Variants in CCSER1 observed in about 807,000 individuals in gnomAD.
The protein encoded by CCSER1 is serine-rich coiled-coil domain-containing protein 1.
A neutral mutation model predicts 82.0 loss-of-function variants in CCSER1; 41 were observed. That is an observed-to-expected ratio of 0.50 (90% CI 0.39 to 0.65). The LOEUF (loss-of-function observed/expected upper bound fraction) is 0.65. Ranked by LOEUF, CCSER1 falls within the 30% of genes least tolerant of loss-of-function variation. CCSER1 has a pLI of 0.00. For synonymous variants in CCSER1, 414 were observed against 383.9 expected, an observed-to-expected ratio of 1.08 and a Z score of -0.92; for missense variants, 1,119 against 1,064.2, an observed-to-expected ratio of 1.05 and a Z score of -0.72.
At chr4:90,256,594 G>A (rs1419669029) in intron 1 of CCSER1, among the ~76,000 whole-genome samples, 1 of 152,062 alleles carries the variant, frequency 6.6e-6, no homozygotes, top group Admixed American at 6.6e-5. Context: ...TTCTCTAGAG[G>A]TAGTTATATT....
At chr4:90,606,335 C>G (rs1387714270) in intron 5 of CCSER1, among the ~76,000 whole-genome samples, 2 of 152,112 alleles carry the variant, frequency 1.3e-5, no homozygotes, top group Non-Finnish European at 1.5e-5. Context: ...TACTACACAC[C>G]TACATTATAA....
At chr4:90,303,387 C>G (rs1010122776) in intron 1 of CCSER1, among the ~76,000 whole-genome samples, 9 of 152,124 alleles carry the variant, frequency 5.9e-5, no homozygotes, top group African/African-American at 1.9e-4. Context: ...ATCACACTAC[C>G]TGACTTCAAA....
At chr4:90,573,488 C>T (rs1206614996) in intron 5 of CCSER1, among the ~76,000 whole-genome samples, 2 of 152,222 alleles carry the variant, frequency 1.3e-5, no homozygotes, top group Non-Finnish European at 2.9e-5. Flanking sequence ...CTCTATGCTG[C>T]ACTGTCTTGT....
chr4:90,554,549 TCAGGTTTTGTG>T (rs1395177469), intron 5 of CCSER1, among the ~76,000 whole-genome samples: 2 of 152,192 alleles, frequency 1.3e-5, no homozygotes, highest in Non-Finnish European at 2.9e-5. Flanking sequence ...ACATTGTTCC[TCAGGTTTTGTG>T]CATGAAGGAC....
intron 10 of CCSER1, among the ~76,000 whole-genome samples, chr4:91,497,257 T>TA (rs1294332770): frequency 1.3e-5 from 2 of 151,534 alleles, no homozygotes; most frequent in East Asian, 3.9e-4. Context: ...TTAAATGATG[T>TA]AAAAAAAGCG....
intron 10 of CCSER1, among the ~76,000 whole-genome samples, chr4:91,527,117 A>G (rs1421843964): frequency 4.6e-5 from 7 of 152,240 alleles, no homozygotes; most frequent in Non-Finnish European, 8.8e-5. Context: ...AATCTTTATG[A>G]GTAGAACATT....
chr4:90,617,735 A>G (rs1241154558), intron 5 of CCSER1, among the ~76,000 whole-genome samples: 2 of 152,166 alleles, frequency 1.3e-5, no homozygotes, highest in Admixed American at 6.5e-5. Flanking sequence ...AAAGTAATTC[A>G]GCTACTTTAA....
intron 9 of CCSER1, among the ~76,000 whole-genome samples, chr4:90,934,220 A>G (rs1371371479): frequency 2.0e-5 from 3 of 152,138 alleles, no homozygotes; most frequent in Non-Finnish European, 4.4e-5. Context: ...AAACATCTAA[A>G]ACTTCAATCA....
chr4:91,456,182 T>G (rs1756161557), intron 10 of CCSER1, among the ~76,000 whole-genome samples: 2 of 152,052 alleles, frequency 1.3e-5, no homozygotes, highest in African/African-American at 2.4e-5. Flanking sequence ...TGACCTCATC[T>G]TGTGTCCTTG....
intron 9 of CCSER1, among the ~76,000 whole-genome samples, chr4:90,955,631 C>T (rs903242007): frequency 6.6e-6 from 1 of 152,108 alleles, no homozygotes; most frequent in Non-Finnish European, 1.5e-5. Context: ...AAATCTAAAA[C>T]CCTTACTCTG....
In CCSER1 at chr4:90,495,146, T is replaced by C. The variant is rs139666820; in HGVS notation, c.1724+26792T>C. Among the ~76,000 whole-genome samples the C allele has an allele frequency of 2.0e-4, 31 of 152,318 alleles. No homozygotes were observed. In the East Asian group the frequency reaches 3.3e-3, roughly 16 times the overall value. On this transcript the variant is annotated intron_variant, in intron 5 of 10. Coordinates refer to ENST00000509176, the MANE Select transcript of CCSER1 (RefSeq NM_001145065.2). ...TATTTTTTCCCTGTAACAGTTTGTATGAACACTAATGTGGTGTTCAACCCT... is the reference window on the plus strand; with the variant it reads ...TATTTTTTCCCTGTAACAGTTTGTACGAACACTAATGTGGTGTTCAACCCT...
intron 10 of CCSER1, among the ~76,000 whole-genome samples, chr4:91,548,985 C>T (rs1349187726): frequency 1.3e-5 from 2 of 152,046 alleles, no homozygotes; most frequent in Non-Finnish European, 2.9e-5. Context: ...CTGATATTCC[C>T]ATTATGCATG....
chr4:90,195,225 T>A (rs1025669583), intron 1 of CCSER1, among the ~76,000 whole-genome samples: 5 of 152,064 alleles, frequency 3.3e-5, no homozygotes, highest in African/African-American at 1.2e-4. Context: ...GGTGAATGGT[T>A]AAATTAAGTG....
rs569915647 is a variant in CCSER1, at chr4:91,172,014, A to T, written c.2217+86020A>T. The stretch of plus-strand genomic sequence containing the variant: ...CTTTATATTCAATAAAAAAAATCCT[A>T]TTATTCAATAACATTATACATTGCA... On this transcript the variant is annotated intron_variant, in intron 10 of 10. Transcript: ENST00000509176. 7.9e-5 allele frequency among the ~76,000 whole-genome samples: 12 copies of T among 152,228 alleles called. 1 individual carries two copies. In the South Asian group the frequency reaches 2.3e-3, roughly 29 times the overall value.
intron 1 of CCSER1, among the ~76,000 whole-genome samples, chr4:90,302,402 G>A (rs1332258107): frequency 6.6e-6 from 1 of 152,158 alleles, no homozygotes. Context: ...CTTGGAAGAG[G>A]CAATGTTATA....
intron 10 of CCSER1, among the ~76,000 whole-genome samples, chr4:91,096,313 G>T (rs1258184279): frequency 6.6e-6 from 1 of 152,126 alleles, no homozygotes; most frequent in African/African-American, 2.4e-5. Context: ...TTTCCACTTG[G>T]TAAAGGTGGG....
Position 90,143,126 on chromosome 4 carries a change from G to T in CCSER1, c.-42+15295G>T, listed in dbSNP as rs1236165109. ...GGTATGATGGTGGTTGTAATTCTTG[G>T]CTCATTTGAAGGGGAGGAAGACAGA... On this transcript the variant is annotated intron_variant, in intron 1 of 10. Coordinates refer to ENST00000509176, the MANE Select transcript of CCSER1 (RefSeq NM_001145065.2). Among the ~76,000 whole-genome samples, 3 of 152,110 alleles carry T rather than the reference G, an allele frequency of 2.0e-5. No individual in the cohort carries two copies. The East Asian group carries it at 5.8e-4, about 29-fold the overall frequency.
intron 10 of CCSER1, among the ~76,000 whole-genome samples, chr4:91,275,750 A>G (rs888748401): frequency 6.6e-6 from 1 of 151,954 alleles, no homozygotes; most frequent in Non-Finnish European, 1.5e-5. Context: ...AATGTCCTGA[A>G]TTGTTTCTTC....
At position 91,138,872 on chromosome 4, in the gene CCSER1, T is replaced by A. The variant is rs1728746329; in HGVS notation, c.2217+52878T>A. Among the ~76,000 whole-genome samples, 5 of 152,244 alleles carry A rather than the reference T, an allele frequency of 3.3e-5. No individual in the cohort carries two copies. In the East Asian group the frequency reaches 5.8e-4, roughly 18 times the overall value. ...CACTGGCCATCAGAAAAATTCTTTT[T>A]AAAAAAATAAGTTCTACCTTTATTT... On this transcript the variant is annotated intron_variant, in intron 10 of 10. Coordinates refer to ENST00000509176, the MANE Select transcript of CCSER1 (RefSeq NM_001145065.2).
Sources: gnomAD v4.1 joint callset for allele counts (sites outside exome capture counted in the v4.1 genomes callset) on GRCh38, gnomAD v4.1.1 for gene constraint, MANE v1.5 for transcripts, NCBI Gene and HGNC (gene_info 2026-07-23, HGNC 2026-07-21) for gene names.